Variants in SETD2 observed in about 807,000 individuals in gnomAD.
SETD2 encodes the protein SET domain containing 2, histone lysine methyltransferase.
Under a neutral mutation model 242.1 loss-of-function variants are expected in SETD2, and 31 were observed. The observed-to-expected ratio is 0.13, with a 90% confidence interval of 0.10 to 0.17. SETD2 has a LOEUF of 0.17. Ranked by LOEUF, SETD2 falls within the 10% of genes least tolerant of loss-of-function variation. SETD2 has a pLI of 1.00. For synonymous variants in SETD2, 1,006 were observed against 1,066.5 expected, an observed-to-expected ratio of 0.94 and a Z score of 1.11; for missense variants, 2,481 against 3,046.3, an observed-to-expected ratio of 0.81 and a Z score of 4.37.
At position 47,103,279 on chromosome 3, in the gene SETD2, C is replaced by G. The variant is rs1575777967; in HGVS notation, c.4917+67G>C. On this transcript the variant is annotated intron_variant, in intron 7 of 20. Transcript: ENST00000409792. ...TTCATGAGTACCTTAGATATGGGATCTAAAATTAATGGTCAGAACAGCAAT... is the reference window on the plus strand; with the variant it reads ...TTCATGAGTACCTTAGATATGGGATGTAAAATTAATGGTCAGAACAGCAAT... The G allele has an allele frequency of 1.0e-5, 11 of 1,058,600 alleles. No homozygotes were observed. The East Asian group carries it at 2.6e-4, about 25-fold the overall frequency. The allele number at this position is 1,058,600 out of a possible 1,614,324, so 65.6% of individuals were successfully genotyped here.
In SETD2 at chr3:47,057,186, G is replaced by A. The variant is rs776399134; in HGVS notation, c.6598C>T (p.Pro2200Ser). ...GGCTGAGCATGATCATAAGGAGCAG[G>A]AGAACACACTGGGTCCATGCTGGGT... ...PTPSMDPVCS[P>S]APYDHAQPLV... Residue 2200 changes from proline to serine, a missense_variant, in exon 15 of 21, where the codon CCT becomes TCT. Pro to Ser is a moderately conservative substitution (Grantham distance 74). Coordinates refer to ENST00000409792, the MANE Select transcript of SETD2 (RefSeq NM_014159.7). 6.2e-7 allele frequency: 1 copy of A among 1,614,190 alleles called. No homozygotes were observed. Among genetic ancestry groups the A allele is most frequent in the Non-Finnish European group, 8.5e-7 (1 of 1,179,982 alleles).
chr3:47,037,884 A>G, intron 17 of SETD2, 107 bp from the exon 18 acceptor site: 2 of 777,960 alleles, frequency 2.6e-6, no homozygotes, highest in South Asian at 1.5e-5. Context: ...AATAAGACAT[A>G]GAATAAGTCA....
chr3:47,160,312 T>A (rs1042109889), intron 1 of SETD2, among the ~76,000 whole-genome samples: 3 of 152,064 alleles, frequency 2.0e-5, no homozygotes, highest in Non-Finnish European at 4.4e-5. Context: ...TTTTATTATT[T>A]TTTTTTCGAG....
intron 1 of SETD2, among the ~76,000 whole-genome samples, chr3:47,149,464 C>T (rs930219876): frequency 6.6e-6 from 1 of 152,092 alleles, no homozygotes; most frequent in East Asian, 1.9e-4. Flanking sequence ...ACACTAGACA[C>T]CTCTTATAGC....
chr3:47,138,251 C>T lies in SETD2; in HGVS notation c.72-11588G>A, dbSNP rs1222730442. 2.0e-4 allele frequency: 52 copies of T among 265,460 alleles called. 1 individual carries two copies. The highest frequency in any genetic ancestry group is 9.1e-4 in the African/African-American group (40 of 44,060). The allele number at this position is 265,460 out of a possible 1,614,324, so 16.4% of individuals were successfully genotyped here. On this transcript the variant is annotated intron_variant, in intron 1 of 20. Transcript: ENST00000409792. ...CCTCCCAAAGTGCTGGGATTACAGG[C>T]GTGAGCCACCGCGCCCGGCCCACTT... is the stretch of plus-strand genomic sequence containing the variant.
At position 47,055,829 on chromosome 3, in the gene SETD2, G is replaced by A. The variant is rs1007287717; in HGVS notation, c.6963+992C>T. ...AGATTGAGACCATCCTGGCTAACAC[G>A]GCGAAACCCCGTCTCTACTAAAAAT... On this transcript the variant is annotated intron_variant, in intron 15 of 20. Coordinates refer to ENST00000409792, the MANE Select transcript of SETD2 (RefSeq NM_014159.7). 1.3e-5 allele frequency among the ~76,000 whole-genome samples: 2 copies of A among 151,348 alleles called. 1 individual carries two copies. The highest frequency in any genetic ancestry group is 4.2e-4 in the South Asian group (2 of 4,784).
At chr3:47,042,944 C>T (rs765646508) in intron 16 of SETD2, among the ~76,000 whole-genome samples, 2 of 150,956 alleles carry the variant, frequency 1.3e-5, no homozygotes, top group Non-Finnish European at 2.9e-5. Context: ...TCATATAGAG[C>T]AGCATTTTTC....
At chr3:47,025,347 G>A (rs745953575) in intron 18 of SETD2, among the ~76,000 whole-genome samples, 23 of 152,078 alleles carry the variant, frequency 1.5e-4, no homozygotes, top group Non-Finnish European at 5.9e-5. Context: ...TCCTAACTTT[G>A]CCTAACTATT....
chr3:47,111,079 TAAAAAAA>T (rs10672755), intron 5 of SETD2, among the ~76,000 whole-genome samples: 7 of 78,798 alleles, frequency 8.9e-5, no homozygotes, highest in South Asian at 5.2e-4. Context: ...GTGGTTCCTT[TAAAAAAA>T]AAAAAAAAAA....
At chr3:47,147,861 T>G (rs558362769) in intron 1 of SETD2, among the ~76,000 whole-genome samples, 61 of 143,124 alleles carry the variant, frequency 4.3e-4, no homozygotes, top group African/African-American at 1.5e-3. Context: ...AGGCGGAGCT[T>G]GCAGTGAGCA....
intron 1 of SETD2, among the ~76,000 whole-genome samples, chr3:47,157,043 A>G (rs2044141746): frequency 6.6e-6 from 1 of 151,974 alleles, no homozygotes; most frequent in Non-Finnish European, 1.5e-5. Context: ...CCGAAGCAGG[A>G]AGATCACTTG....
chr3:47,147,649 C>T (rs989715893), intron 1 of SETD2, among the ~76,000 whole-genome samples: 22 of 150,262 alleles, frequency 1.5e-4, no homozygotes, highest in Non-Finnish European at 2.8e-4. Context: ...CTAGGCCGGG[C>T]GCGGTGGCTC....
rs2037998798 is a variant in SETD2, at chr3:47,016,745, CA to C, written c.*347del. On this transcript the variant is annotated 3_prime_UTR_variant, in exon 21 of 21. Transcript: ENST00000409792. ...TACATTAAAATATAATACAGATCAT[CA>C]GGGTAAAGGGTTGTGGGTGGGGATG... 1 of 281,892 alleles carries C rather than the reference CA, an allele frequency of 3.5e-6. No homozygotes were observed. The highest frequency in any genetic ancestry group is 6.7e-6 in the Non-Finnish European group (1 of 149,012). The allele number at this position is 281,892 out of a possible 1,614,324, so 17.5% of individuals were successfully genotyped here.
At chr3:47,043,618 C>A (rs1417797982) in intron 16 of SETD2, among the ~76,000 whole-genome samples, 3 of 152,164 alleles carry the variant, frequency 2.0e-5, no homozygotes, top group Non-Finnish European at 4.4e-5. Flanking sequence ...CATTTTTTAC[C>A]TTTACCTTTG....
chr3:47,084,468 A>T (rs2041462102), intron 11 of SETD2, 86 bp from the exon 12 acceptor site: 1 of 900,800 alleles, frequency 1.1e-6, no homozygotes, highest in Non-Finnish European at 1.7e-6. Flanking sequence ...TCTGTCACCC[A>T]GGCTGGAATG....
chr3:47,054,759 G>A (rs1006041508), intron 15 of SETD2, among the ~76,000 whole-genome samples: 1 of 152,052 alleles, frequency 6.6e-6, no homozygotes, highest in African/African-American at 2.4e-5. Flanking sequence ...TTAATGGAAT[G>A]CTATTTATAA....
In SETD2 at chr3:47,032,375, T is replaced by C. The variant is rs540115475; in HGVS notation, c.7350+5291A>G. 1.7e-3 allele frequency among the ~76,000 whole-genome samples: 251 copies of C among 151,818 alleles called. 2 individuals are homozygous for C. Among genetic ancestry groups the C allele is most frequent in the African/African-American group, 5.4e-3 (223 of 41,382 alleles). On this transcript the variant is annotated intron_variant, in intron 18 of 20. Coordinates refer to ENST00000409792, the MANE Select transcript of SETD2 (RefSeq NM_014159.7). ...ACAAAAATGTACAAAACTTAGCTAC[T>C]TGGGTGGCTAAGACGGGAGGATCAT...
At chr3:47,092,704 T>C (rs1349056470) in intron 9 of SETD2, among the ~76,000 whole-genome samples, 1 of 151,984 alleles carries the variant, frequency 6.6e-6, no homozygotes, top group Non-Finnish European at 1.5e-5. Context: ...AAATACTTCT[T>C]GATGGAATAC....
intron 9 of SETD2, among the ~76,000 whole-genome samples, chr3:47,093,350 G>A (rs1178893732): frequency 1.4e-5 from 2 of 143,838 alleles, no homozygotes. Flanking sequence ...GTGGCATCAT[G>A]TCAGCTCACT....
Sources: allele counts gnomAD v4.1 joint callset (sites outside exome capture counted in the v4.1 genomes callset), GRCh38; gene constraint gnomAD v4.1.1; transcripts MANE v1.5; gene names NCBI Gene and HGNC (gene_info 2026-07-23, HGNC 2026-07-21).